DENND1A: variants seen among roughly 807,000 people sequenced by gnomAD.
DENND1A encodes the protein DENN domain containing 1A, also known as DENN domain-containing protein 1A.
A neutral mutation model predicts 113.7 loss-of-function variants in DENND1A; 51 were observed. The observed-to-expected ratio is 0.45, with a 90% CI of 0.36 to 0.57. The LOEUF is 0.57. Ranked by LOEUF, DENND1A falls within the 20% of genes least tolerant of loss-of-function variation. DENND1A has a pLI of 0.00. For missense variants in DENND1A, 1,258 were observed against 1,395.9 expected (o/e 0.90, Z 1.57); for synonymous variants, 565 against 570.8 (o/e 0.99, Z 0.14).
At chr9:123,897,277 A>G (rs1367785556) in intron 1 of DENND1A, among the ~76,000 whole-genome samples, 1 of 152,214 alleles carries the variant, frequency 6.6e-6, no homozygotes, top group African/African-American at 2.4e-5. Context: ...TTCCTCCATT[A>G]TCACTCAGCA....
chr9:123,791,038 G>C (rs917488326), intron 3 of DENND1A, among the ~76,000 whole-genome samples: 4 of 151,992 alleles, frequency 2.6e-5, no homozygotes, highest in Non-Finnish European at 4.4e-5. Context: ...TACTAAAAAA[G>C]AAATCATGTT....
rs2055748087 is a variant in DENND1A, at chr9:123,536,154, T to C, written c.993+21416A>G. 2.6e-5 allele frequency among the ~76,000 whole-genome samples: 4 copies of C among 152,130 alleles called. No individual in the cohort carries two copies. In the South Asian group the frequency reaches 8.3e-4, roughly 32 times the overall value. ...CACCAAACTGGCTTCATGTTGGTATTTGCACTGACAGACCTCAGCACAAGT... is the reference window on the plus strand; with the variant it reads ...CACCAAACTGGCTTCATGTTGGTATCTGCACTGACAGACCTCAGCACAAGT... On this transcript the variant is annotated intron_variant, in intron 13 of 23. Coordinates refer to ENST00000394215, the MANE Select transcript of DENND1A (RefSeq NM_001352964.2).
At chr9:123,720,378 AG>A (rs1477538037) in intron 5 of DENND1A, among the ~76,000 whole-genome samples, 1 of 152,112 alleles carries the variant, frequency 6.6e-6, no homozygotes, top group Middle Eastern at 3.2e-3. Flanking sequence ...GGGGGGCAAA[AG>A]GGGGGCCCCA....
chr9:123,682,490 C>T (rs911457979), intron 5 of DENND1A, among the ~76,000 whole-genome samples: 2 of 152,150 alleles, frequency 1.3e-5, no homozygotes, highest in Non-Finnish European at 2.9e-5. Flanking sequence ...ATTTTGCCAA[C>T]GTGTTTCCAA....
intron 8 of DENND1A, among the ~76,000 whole-genome samples, chr9:123,653,488 AGATT>A (rs1376812402): frequency 6.6e-6 from 1 of 152,244 alleles, no homozygotes; most frequent in Non-Finnish European, 1.5e-5. Flanking sequence ...ATTGTTTGAA[AGATT>A]CACATCTATT....
chr9:123,601,491 G>C (rs1181111051), intron 11 of DENND1A, among the ~76,000 whole-genome samples: 2 of 152,236 alleles, frequency 1.3e-5, no homozygotes, highest in Non-Finnish European at 2.9e-5. Flanking sequence ...TGCGTTTGCA[G>C]TAGGAAGCTT....
intron 12 of DENND1A, among the ~76,000 whole-genome samples, chr9:123,558,942 C>T (rs2057579809): frequency 6.6e-6 from 1 of 152,164 alleles, no homozygotes; most frequent in South Asian, 2.1e-4. Flanking sequence ...TGCCCTCATT[C>T]AGCTGACATT....
At chr9:123,469,704 A>G (rs1383294156) in intron 13 of DENND1A, among the ~76,000 whole-genome samples, 1 of 152,264 alleles carries the variant, frequency 6.6e-6, no homozygotes, top group Non-Finnish European at 1.5e-5. Flanking sequence ...TGCAGTGATT[A>G]AAAACAGCTA....
intron 13 of DENND1A, among the ~76,000 whole-genome samples, chr9:123,483,926 T>C (rs2050570480): frequency 6.6e-6 from 1 of 152,240 alleles, no homozygotes; most frequent in South Asian, 2.1e-4. Context: ...TTTTGTGTTT[T>C]TTTAAAAATG....
chr9:123,625,803 A>C (rs1045866769), intron 10 of DENND1A, among the ~76,000 whole-genome samples: 6 of 152,202 alleles, frequency 3.9e-5, no homozygotes, highest in African/African-American at 1.4e-4. Context: ...TGGCAGAGGA[A>C]CTATATTGAT....
chr9:123,887,793 T>C lies in DENND1A; in HGVS notation c.18-8772A>G, dbSNP rs566958820. ...ACAGGGTGGAGGTGAAGGGGCCGTG[T>C]GCCTAATCTGAACCCAAGGCTACTT... On this transcript the variant is annotated intron_variant, in intron 1 of 23. Coordinates refer to ENST00000394215, the MANE Select transcript of DENND1A (RefSeq NM_001352964.2). Among the ~76,000 whole-genome samples, 3 of 152,218 alleles carry C rather than the reference T, an allele frequency of 2.0e-5. No individual in the cohort carries two copies. The East Asian group carries it at 5.8e-4, about 29-fold the overall frequency.
intron 19 of DENND1A, chr9:123,413,495 C>T: frequency 1.0e-6 from 1 of 985,404 alleles, no homozygotes; most frequent in Non-Finnish European, 1.2e-6. Context: ...TCTGAACCTG[C>T]CCCACTACTC....
intron 2 of DENND1A, among the ~76,000 whole-genome samples, chr9:123,818,051 T>A (rs1317211723): frequency 6.6e-6 from 1 of 151,888 alleles, no homozygotes; most frequent in Non-Finnish European, 1.5e-5. Flanking sequence ...AAATATACTA[T>A]AAGAAAATGC....
intron 5 of DENND1A, among the ~76,000 whole-genome samples, chr9:123,678,326 T>G (rs937771478): frequency 6.6e-6 from 1 of 152,212 alleles, no homozygotes; most frequent in Non-Finnish European, 1.5e-5. Flanking sequence ...ACGCATCCTA[T>G]GGAATTGTTG....
At chr9:123,518,680 G>A (rs554734686) in intron 13 of DENND1A, among the ~76,000 whole-genome samples, 2 of 152,216 alleles carry the variant, frequency 1.3e-5, no homozygotes, top group East Asian at 1.9e-4. Flanking sequence ...TACCTGGCAA[G>A]TCCTACTGAT....
chr9:123,571,472 T>A (rs2058352948), intron 12 of DENND1A, among the ~76,000 whole-genome samples: 1 of 152,202 alleles, frequency 6.6e-6, no homozygotes, highest in Admixed American at 6.5e-5. Context: ...GCCTCCTCCA[T>A]CCCAGCCCAA....
chr9:123,418,837 A>C (rs73573377), intron 19 of DENND1A, among the ~76,000 whole-genome samples: 3,753 of 152,322 alleles, frequency 0.025, 164 homozygotes, highest in African/African-American at 0.087. Flanking sequence ...CCCTGAGAAG[A>C]GGGCCAGTGA....
chr9:123,396,100 C>T (rs1381221404), intron 21 of DENND1A, among the ~76,000 whole-genome samples: 2 of 151,986 alleles, frequency 1.3e-5, no homozygotes, highest in African/African-American at 4.8e-5. Flanking sequence ...GTGGGTGGTT[C>T]GTGGGGGAGG....
At chr9:123,867,463 C>T (rs1845947245) in intron 2 of DENND1A, among the ~76,000 whole-genome samples, 1 of 152,098 alleles carries the variant, frequency 6.6e-6, no homozygotes, top group Non-Finnish European at 1.5e-5. Flanking sequence ...ACCTGAAGAT[C>T]GGTATTTTTA....
Sources: allele counts gnomAD v4.1 joint callset (sites outside exome capture counted in the v4.1 genomes callset), GRCh38; gene constraint gnomAD v4.1.1; transcripts MANE v1.5; gene names NCBI Gene and HGNC (gene_info 2026-07-23, HGNC 2026-07-21).